Variants in HEMK2 observed in about 807,000 individuals in gnomAD.
The protein encoded by HEMK2 is HemK methyltransferase 2, ETF1 glutamine and histone H4 lysine.
chr21:28,591,769 C>G, the HEMK2 span, among the ~76,000 whole-genome samples: 1 of 152,110 alleles, frequency 6.6e-6, no homozygotes, highest in African/African-American at 2.4e-5. Context: ...TTCTCATCAT[C>G]TAGCTCCTAC....
the HEMK2 span, among the ~76,000 whole-genome samples, chr21:28,756,333 A>G: frequency 1.3e-5 from 2 of 152,248 alleles, no homozygotes; most frequent in South Asian, 2.1e-4. Flanking sequence ...GATCATGCAT[A>G]TACCATGTGC....
At chr21:28,835,501 T>C in the HEMK2 span, among the ~76,000 whole-genome samples, 1 of 152,124 alleles carries the variant, frequency 6.6e-6, no homozygotes, top group Non-Finnish European at 1.5e-5. Context: ...CCTTCAGTCC[T>C]AGACCTTCCC....
At chr21:28,871,825 C>T in the HEMK2 span, among the ~76,000 whole-genome samples, 7 of 152,152 alleles carry the variant, frequency 4.6e-5, no homozygotes, top group African/African-American at 1.7e-4. Flanking sequence ...TTGCTAGCAA[C>T]CCCTGGCATT....
At chr21:28,634,917 T>C in the HEMK2 span, among the ~76,000 whole-genome samples, 1 of 152,170 alleles carries the variant, frequency 6.6e-6, no homozygotes, top group African/African-American at 2.4e-5. Flanking sequence ...TGAACATTTC[T>C]TTAACTCAGA....
the HEMK2 span, among the ~76,000 whole-genome samples, chr21:28,732,857 T>C: frequency 6.6e-6 from 1 of 152,102 alleles, no homozygotes; most frequent in Non-Finnish European, 1.5e-5. Flanking sequence ...TCTTTCAAAA[T>C]CCTCTGTCTG....
At chr21:28,754,939 G>A in the HEMK2 span, among the ~76,000 whole-genome samples, 2 of 152,140 alleles carry the variant, frequency 1.3e-5, no homozygotes, top group Non-Finnish European at 2.9e-5. Context: ...AGGGAGAAAC[G>A]GACAAGGGAG....
chr21:28,781,165 G>A, the HEMK2 span, among the ~76,000 whole-genome samples: 1 of 152,042 alleles, frequency 6.6e-6, no homozygotes, highest in Non-Finnish European at 1.5e-5. Context: ...CAGCAGATAT[G>A]AAAGAGGCAA....
At chr21:28,851,440 AT>A in the HEMK2 span, among the ~76,000 whole-genome samples, 5 of 152,172 alleles carry the variant, frequency 3.3e-5, no homozygotes, top group Admixed American at 1.3e-4. Context: ...ACACACTTAA[AT>A]GAGGGATGTG....
the HEMK2 span, among the ~76,000 whole-genome samples, chr21:28,685,382 G>A: frequency 6.6e-6 from 1 of 152,148 alleles, no homozygotes; most frequent in African/African-American, 2.4e-5. Context: ...GGAAGTTGAA[G>A]TTGAAGAACA....
the HEMK2 span, among the ~76,000 whole-genome samples, chr21:28,677,909 T>C: frequency 1.3e-5 from 2 of 152,004 alleles, no homozygotes; most frequent in Non-Finnish European, 1.5e-5. Flanking sequence ...GTCACCATCA[T>C]CAAAGACCAA....
At chr21:28,775,731 C>T in the HEMK2 span, among the ~76,000 whole-genome samples, 1 of 152,118 alleles carries the variant, frequency 6.6e-6, no homozygotes, top group Non-Finnish European at 1.5e-5. Flanking sequence ...TTGACAATAA[C>T]ATGAGTTGTT....
the HEMK2 span, among the ~76,000 whole-genome samples, chr21:28,657,079 C>T: frequency 6.6e-6 from 1 of 152,060 alleles, no homozygotes; most frequent in Non-Finnish European, 1.5e-5. Context: ...CAGCATATTA[C>T]ATTCATGTTT....
At chr21:28,844,413 T>C in the HEMK2 span, among the ~76,000 whole-genome samples, 1 of 152,078 alleles carries the variant, frequency 6.6e-6, no homozygotes, top group South Asian at 2.1e-4. Context: ...AAAGGGATCC[T>C]ACAATTTCTA....
chr21:28,855,109 T>G, the HEMK2 span, among the ~76,000 whole-genome samples: 1 of 152,060 alleles, frequency 6.6e-6, no homozygotes, highest in Non-Finnish European at 1.5e-5. Flanking sequence ...TATGCTGTCT[T>G]CCAGAGACTA....
chr21:28,827,091 A>T, the HEMK2 span, among the ~76,000 whole-genome samples: 1 of 152,174 alleles, frequency 6.6e-6, no homozygotes, highest in East Asian at 1.9e-4. Context: ...CATTCAACAG[A>T]TAGTTATGAT....
At chr21:28,631,394 T>C in the HEMK2 span, among the ~76,000 whole-genome samples, 1 of 152,238 alleles carries the variant, frequency 6.6e-6, no homozygotes, top group Non-Finnish European at 1.5e-5. Flanking sequence ...ACCAGGATTC[T>C]CTACTTCAAT....
chr21:28,758,752 C>T, the HEMK2 span, among the ~76,000 whole-genome samples: 3 of 152,164 alleles, frequency 2.0e-5, no homozygotes, highest in Non-Finnish European at 2.9e-5. Context: ...GTCAAACCTC[C>T]CCATGACAGG....
the HEMK2 span, among the ~76,000 whole-genome samples, chr21:28,658,300 G>A: frequency 6.6e-6 from 1 of 152,000 alleles, no homozygotes; most frequent in African/African-American, 2.4e-5. Flanking sequence ...TTGGTTAGAG[G>A]CTACTTCAAA....
At chr21:28,882,280 C>T in the HEMK2 span, 2 of 1,543,258 alleles carry the variant, frequency 1.3e-6, no homozygotes, top group Admixed American at 1.7e-5. Context: ...GAAACTATAT[C>T]CTATGTCCAT....
Sources: gnomAD v4.1 joint callset for allele counts (sites outside exome capture counted in the v4.1 genomes callset) on GRCh38, gnomAD v4.1.1 for gene constraint, MANE v1.5 for transcripts, NCBI Gene and HGNC (gene_info 2026-07-23, HGNC 2026-07-21) for gene names.